TNFSF11: variants seen among roughly 807,000 people sequenced by gnomAD.
The protein encoded by TNFSF11 is tumor necrosis factor ligand superfamily member 11.
In TNFSF11, 12 loss-of-function variants were observed where a neutral mutation model predicts 32.2. The observed-to-expected ratio is 0.37, with a 90% CI of 0.24 to 0.60. The LOEUF is 0.60. Ranked by LOEUF, TNFSF11 falls within the 20% of genes least tolerant of loss-of-function variation. The pLI is 0.66. For missense variants in TNFSF11, 345 were observed against 398.0 expected, an observed-to-expected ratio of 0.87 and a Z score of 1.13; for synonymous variants, 172 against 152.1, an observed-to-expected ratio of 1.13 and a Z score of -0.96.
intron 2 of TNFSF11, among the ~76,000 whole-genome samples, chr13:42,583,214 C>T (rs1802519632): frequency 6.6e-6 from 1 of 151,602 alleles, no homozygotes; most frequent in Non-Finnish European, 1.5e-5. Flanking sequence ...AGTTTGAGAA[C>T]ATGCTGATCA....
At chr13:42,565,639 C>T (rs1255082675) in intron 1 of TNFSF11, among the ~76,000 whole-genome samples, 9 of 152,084 alleles carry the variant, frequency 5.9e-5, no homozygotes, top group Middle Eastern at 3.2e-3. Flanking sequence ...AAAACTAGAA[C>T]TTTAAGTGCA....
upstream of TNFSF11, among the ~76,000 whole-genome samples, chr13:42,570,640 A>C (rs1216779470): frequency 6.6e-6 from 1 of 152,232 alleles, no homozygotes; most frequent in African/African-American, 2.4e-5. Flanking sequence ...TAAATATATT[A>C]ATGAATTTAT....
chr13:42,581,460 TA>T (rs1322766034), intron 2 of TNFSF11, among the ~76,000 whole-genome samples, 167 bp downstream of exon 2: 1 of 152,196 alleles, frequency 6.6e-6, no homozygotes, highest in East Asian at 1.9e-4. Flanking sequence ...TTGAAGTTGG[TA>T]GTGATTGATT....
chr13:42,602,831 G>A (rs1269983609), intron 4 of TNFSF11, among the ~76,000 whole-genome samples: 3 of 152,314 alleles, frequency 2.0e-5, no homozygotes, highest in Admixed American at 6.5e-5. Flanking sequence ...AATGGCATAT[G>A]ATAAATATTG....
chr13:42,568,249 T>C (rs1872938831), intron 2 of TNFSF11, among the ~76,000 whole-genome samples: 2 of 152,270 alleles, frequency 1.3e-5, no homozygotes, highest in Admixed American at 1.3e-4. Context: ...TGAATATGTA[T>C]GCTTTGCCAA....
At chr13:42,574,133 T>TG (rs1227255427), upstream of TNFSF11, 2 of 815,700 alleles carry the variant, frequency 2.5e-6, no homozygotes, top group African/African-American at 3.5e-5. Context: ...TTATAAGAGT[T>TG]GGGGCTGCCG....
intron 4 of TNFSF11, among the ~76,000 whole-genome samples, chr13:42,605,283 C>T (rs1007343819): frequency 3.9e-5 from 6 of 152,228 alleles, no homozygotes; most frequent in Non-Finnish European, 5.9e-5. Context: ...ACTCTCTCAA[C>T]TCCAGTCTGA....
chr13:42,595,611 T>C (rs75758251), intron 2 of TNFSF11, among the ~76,000 whole-genome samples: 42 of 152,308 alleles, frequency 2.8e-4, no homozygotes, highest in African/African-American at 9.1e-4. Flanking sequence ...TTTGTTGAAG[T>C]TACCTGCACT....
chr13:42,594,182 C>T (rs898425399), intron 2 of TNFSF11, among the ~76,000 whole-genome samples: 13 of 151,928 alleles, frequency 8.6e-5, no homozygotes, highest in South Asian at 2.1e-4. Flanking sequence ...CGGGCTCAAG[C>T]GATCTCGTGC....
intron 2 of TNFSF11, among the ~76,000 whole-genome samples, chr13:42,595,635 C>T (rs1401096939): frequency 6.6e-6 from 1 of 152,226 alleles, no homozygotes; most frequent in Admixed American, 6.5e-5. Flanking sequence ...CTACGCAAAT[C>T]TACAGGCATT....
chr13:42,598,946 C>T (rs919111773), intron 2 of TNFSF11, among the ~76,000 whole-genome samples: 34 of 152,166 alleles, frequency 2.2e-4, no homozygotes, highest in Non-Finnish European at 8.8e-5. Flanking sequence ...TGGAGGTTGA[C>T]ATGAGTGGGG....
At chr13:42,568,613 T>A (rs1057108828) in intron 2 of TNFSF11, among the ~76,000 whole-genome samples, 4 of 152,048 alleles carry the variant, frequency 2.6e-5, no homozygotes, top group Non-Finnish European at 4.4e-5. Context: ...CGGTCCTAGG[T>A]GAGAAGTTTC....
In TNFSF11 at chr13:42,606,963, C is replaced by T. The variant is rs1468993733; in HGVS notation, c.*45C>T. On this transcript the variant is annotated 3_prime_UTR_variant, in exon 5 of 5. Coordinates refer to ENST00000398795, the MANE Select transcript of TNFSF11 (RefSeq NM_003701.4). Reference sequence around the variant, plus strand: ...TATGTATTTCCTGGATGTTTGGAAACATTTTTTAAAACAAGCCAAGAAAGA... The same window carrying T: ...TATGTATTTCCTGGATGTTTGGAAATATTTTTTAAAACAAGCCAAGAAAGA... 5 of 1,611,184 alleles carry T rather than the reference C, an allele frequency of 3.1e-6. No homozygotes were observed. Among genetic ancestry groups the T allele is most frequent in the Non-Finnish European group, 4.2e-6 (5 of 1,178,358 alleles).
chr13:42,597,356 T>TC (rs1868876209), intron 2 of TNFSF11, among the ~76,000 whole-genome samples: 1 of 147,498 alleles, frequency 6.8e-6, no homozygotes, highest in African/African-American at 2.5e-5. Flanking sequence ...TTTTTTTTTT[T>TC]TTTTTAAAGC....
At chr13:42,604,653 T>C (rs914192937) in intron 4 of TNFSF11, among the ~76,000 whole-genome samples, 1 of 152,182 alleles carries the variant, frequency 6.6e-6, no homozygotes, top group African/African-American at 2.4e-5. Flanking sequence ...AGGCTCCCAG[T>C]TCTTTAGAGA....
chr13:42,572,469 G>A (rs544660300), upstream of TNFSF11, among the ~76,000 whole-genome samples: 77 of 152,266 alleles, frequency 5.1e-4, no homozygotes, highest in Non-Finnish European at 8.8e-4. Flanking sequence ...GAGTCAAGGA[G>A]CAGGGAGAGA....
exon 1 of TNFSF11, chr13:42,562,848 A>C (rs1267639604): frequency 2.0e-5 from 3 of 152,256 alleles, no homozygotes; most frequent in Non-Finnish European, 4.4e-5. Context: ...AATGTGTACC[A>C]GGGATGTGAC....
At chr13:42,581,320 C>A (rs752437942) in intron 2 of TNFSF11, 27 bp downstream of exon 2, 6 of 1,613,270 alleles carry the variant, frequency 3.7e-6, no homozygotes, top group Admixed American at 3.3e-5. Context: ...GCTGATAAGT[C>A]AAGGGCCCTT....
chr13:42,593,048 G>A (rs1226679159), intron 2 of TNFSF11, among the ~76,000 whole-genome samples: 2 of 152,064 alleles, frequency 1.3e-5, no homozygotes, highest in Non-Finnish European at 2.9e-5. Context: ...ATACAGGCTG[G>A]GACTGAAAGA....
Sources: allele counts gnomAD v4.1 joint callset (sites outside exome capture counted in the v4.1 genomes callset), GRCh38; gene constraint gnomAD v4.1.1; transcripts MANE v1.5; gene names NCBI Gene and HGNC (gene_info 2026-07-23, HGNC 2026-07-21).